GLT1D1: variants seen among roughly 807,000 people sequenced by gnomAD.
GLT1D1 encodes the protein glycosyltransferase 1 domain containing 1.
GLT1D1 carries 21 observed loss-of-function variants against 28.7 expected under a neutral mutation model. The observed-to-expected ratio is 0.73, with a 90% confidence interval of 0.52 to 1.05. The LOEUF is 1.05. Among genes scored for constraint, GLT1D1 ranks in the 50% least tolerant of loss-of-function variants. GLT1D1 has a pLI of 0.00. For missense variants in GLT1D1, 343 were observed against 330.6 expected (o/e 1.04, Z -0.29); for synonymous variants, 147 against 124.8 (o/e 1.18, Z -1.19).
rs980576865 is a variant in GLT1D1, at chr12:128,885,052, G to A, written c.218-3587G>A. 5.9e-5 allele frequency among the ~76,000 whole-genome samples: 9 copies of A among 151,476 alleles called. No homozygotes were observed. The South Asian group carries it at 8.3e-4, about 14-fold the overall frequency. On this transcript the variant is annotated intron_variant, in intron 2 of 7. Transcript: ENST00000281703. ...TGACAGGTGTGAGCTACTGTGCTTG[G>A]CCTAATTAGCTTGATTTAGCTATTC... is the stretch of plus-strand genomic sequence containing the variant.
At chr12:128,868,922 T>G (rs1430919304) in intron 1 of GLT1D1, among the ~76,000 whole-genome samples, 10 of 152,228 alleles carry the variant, frequency 6.6e-5, no homozygotes. Context: ...TAGGCTGGAG[T>G]GCAATGGCAC....
At chr12:128,961,817 G>T (rs1402017829) in intron 7 of GLT1D1, among the ~76,000 whole-genome samples, 2 of 152,140 alleles carry the variant, frequency 1.3e-5, no homozygotes, top group Non-Finnish European at 2.9e-5. Context: ...CCAGCTATCT[G>T]GACATCCCTT....
chr12:128,932,692 G>A (rs1441014000), intron 4 of GLT1D1, among the ~76,000 whole-genome samples: 2 of 152,134 alleles, frequency 1.3e-5, no homozygotes, highest in Non-Finnish European at 2.9e-5. Context: ...TGCTGAAACC[G>A]CGGCTCCCAC....
chr12:128,857,249 T>G (rs1008110382), intron 1 of GLT1D1, among the ~76,000 whole-genome samples: 2 of 152,046 alleles, frequency 1.3e-5, no homozygotes, highest in African/African-American at 4.8e-5. Context: ...CTTTTGAAAG[T>G]GCCTGTCTTG....
chr12:128,949,629 T>C lies in GLT1D1; in HGVS notation c.540+2171T>C, dbSNP rs1420013787. Among the ~76,000 whole-genome samples the C allele has an allele frequency of 2.6e-5, 4 of 152,212 alleles. No individual in the cohort carries two copies. In the East Asian group the frequency reaches 7.7e-4, roughly 29 times the overall value. ...TCGTGGGCAGCGGGGTGAACAATTC[T>C]ACAACTAATCAGTTGTTTCCACTTT... On this transcript the variant is annotated intron_variant, in intron 6 of 7. Transcript: ENST00000281703.
intron 4 of GLT1D1, among the ~76,000 whole-genome samples, chr12:128,933,722 A>G (rs984575606): frequency 1.3e-5 from 2 of 152,138 alleles, no homozygotes; most frequent in Admixed American, 6.6e-5. Context: ...CTGACCACCC[A>G]ACTGAAACTC....
At chr12:128,873,004 C>T (rs1313160023) in intron 1 of GLT1D1, among the ~76,000 whole-genome samples, 1 of 152,126 alleles carries the variant, frequency 6.6e-6, no homozygotes, top group Non-Finnish European at 1.5e-5. Flanking sequence ...CATCGATCCT[C>T]CCATCTCAGC....
chr12:128,917,426 C>G (rs917242212), intron 4 of GLT1D1, among the ~76,000 whole-genome samples: 1 of 152,142 alleles, frequency 6.6e-6, no homozygotes, highest in African/African-American at 2.4e-5. Context: ...CAGGCACGCC[C>G]CACCACACCT....
At chr12:128,937,387 G>A (rs1160224152) in intron 4 of GLT1D1, among the ~76,000 whole-genome samples, 2 of 152,156 alleles carry the variant, frequency 1.3e-5, no homozygotes, top group African/African-American at 2.4e-5. Flanking sequence ...GCCTTGGGAG[G>A]GACATGGAGA....
At chr12:128,906,065 C>A (rs1235275222) in intron 4 of GLT1D1, among the ~76,000 whole-genome samples, 2 of 151,792 alleles carry the variant, frequency 1.3e-5, no homozygotes, top group Non-Finnish European at 2.9e-5. Context: ...CTCTTGAACT[C>A]CTGGCCTCAA....
chr12:128,909,103 A>G (rs1472943301), intron 4 of GLT1D1, among the ~76,000 whole-genome samples: 1 of 152,228 alleles, frequency 6.6e-6, no homozygotes, highest in Non-Finnish European at 1.5e-5. Flanking sequence ...TCTTCCTCAT[A>G]TTCCAGAATC....
chr12:128,897,781 G>A (rs1869814630), intron 3 of GLT1D1, among the ~76,000 whole-genome samples: 2 of 152,038 alleles, frequency 1.3e-5, no homozygotes, highest in Non-Finnish European at 2.9e-5. Context: ...CCATCCTCCT[G>A]CCTCAGCCTC....
At chr12:128,970,615 C>G (rs538115659) in intron 7 of GLT1D1, among the ~76,000 whole-genome samples, 66 of 152,378 alleles carry the variant, frequency 4.3e-4, no homozygotes, top group Admixed American at 9.8e-4. Flanking sequence ...TGCGCTGCCC[C>G]CTCCTCGTTC....
At chr12:128,874,120 C>CTTTCTT (rs1555261630) in intron 1 of GLT1D1, among the ~76,000 whole-genome samples, 32 of 52,802 alleles carry the variant, frequency 6.1e-4, no homozygotes, top group African/African-American at 1.8e-3. Context: ...CTCTCTCTCT[C>CTTTCTT]TCTCTCTTTC....
intron 4 of GLT1D1, among the ~76,000 whole-genome samples, chr12:128,906,462 A>G (rs1870879971): frequency 6.6e-6 from 1 of 152,186 alleles, no homozygotes. Flanking sequence ...ATGGTTTAAT[A>G]TGTCTCCATT....
intron 1 of GLT1D1, among the ~76,000 whole-genome samples, chr12:128,854,816 C>A (rs1956174704): frequency 6.6e-6 from 1 of 152,082 alleles, no homozygotes; most frequent in Non-Finnish European, 1.5e-5. Context: ...TTAAAATGAG[C>A]AATTGAGACT....
At chr12:128,978,490 G>A (rs968227132) in intron 7 of GLT1D1, among the ~76,000 whole-genome samples, 2 of 152,178 alleles carry the variant, frequency 1.3e-5, no homozygotes, top group Non-Finnish European at 2.9e-5. Context: ...CTCCCCATGC[G>A]ACCTGGGTGG....
At chr12:128,948,374 T>C (rs1280516422) in intron 6 of GLT1D1, among the ~76,000 whole-genome samples, 2 of 152,218 alleles carry the variant, frequency 1.3e-5, no homozygotes, top group African/African-American at 4.8e-5. Flanking sequence ...AAGGGCAGGC[T>C]GGGCTCACTC....
In GLT1D1 at chr12:128,945,333, CA is replaced by C; in HGVS notation, c.384del (p.Val129CysfsTer6). On this transcript the variant is annotated frameshift_variant, in exon 5 of 8. Coordinates refer to ENST00000281703, the MANE Select transcript of GLT1D1 (RefSeq NM_144669.3). LOFTEE classifies it high-confidence loss of function. ...ATCTTTGTCTCTTTTCAGGTCGATCCAGTGTTTACAAGGGAAGTGAAAGCCA... is the reference window on the plus strand; with the variant it reads ...ATCTTTGTCTCTTTTCAGGTCGATCCGTGTTTACAAGGGAAGTGAAAGCCA... 6.2e-7 allele frequency: 1 copy of C among 1,614,068 alleles called. No individual in the cohort carries two copies. The highest frequency in any genetic ancestry group is 8.5e-7 in the Non-Finnish European group (1 of 1,179,910).
Sources: gnomAD v4.1 joint callset for allele counts (sites outside exome capture counted in the v4.1 genomes callset) on GRCh38, gnomAD v4.1.1 for gene constraint, MANE v1.5 for transcripts, NCBI Gene and HGNC (gene_info 2026-07-23, HGNC 2026-07-21) for gene names.